PTK2: variants seen among roughly 807,000 people sequenced by gnomAD.
The protein encoded by PTK2 is protein tyrosine kinase 2, also known as focal adhesion kinase 1.
PTK2 carries 45 observed loss-of-function variants against 150.1 expected under a neutral mutation model. The ratio of observed to expected loss-of-function variants is 0.30; its 90% CI spans 0.24 to 0.38. The LOEUF (loss-of-function observed/expected upper bound fraction) is 0.38. PTK2 is among the 10% of genes least tolerant of loss of function. The probability of loss-of-function intolerance (pLI) is 1.00; values close to 1 mark genes in which losing one functional copy is unlikely to be tolerated. For missense variants in PTK2, 919 were observed against 1,307.3 expected (o/e 0.70, Z 4.58); for synonymous variants, 432 against 449.2 (o/e 0.96, Z 0.48).
intron 27 of PTK2, among the ~76,000 whole-genome samples, chr8:140,681,616 A>G (rs1488805580): frequency 1.3e-5 from 2 of 151,826 alleles, no homozygotes; most frequent in Admixed American, 1.3e-4. Flanking sequence ...TCTCTACTAA[A>G]AATACAAAAA....
intron 5 of PTK2, among the ~76,000 whole-genome samples, chr8:140,861,087 TC>T (rs2100135798): frequency 6.6e-6 from 1 of 152,196 alleles, no homozygotes; most frequent in African/African-American, 2.4e-5. Flanking sequence ...ATGCCTATAC[TC>T]CCAGCACTTT....
chr8:140,669,876 C>A, intron 29 of PTK2, 141 bp from the exon 33 acceptor site: 2 of 947,090 alleles, frequency 2.1e-6, no homozygotes, highest in Non-Finnish European at 1.6e-6. Context: ...GTTTCCAAGC[C>A]TGCCCACCAG....
rs543223610 is a variant in PTK2 at position 140,871,973 on chromosome 8, C to A, written c.362+7498G>T. 8.5e-5 allele frequency among the ~76,000 whole-genome samples: 13 copies of A among 152,178 alleles called. 1 individual carries two copies. The highest frequency in any genetic ancestry group is 3.1e-4 in the African/African-American group (13 of 41,536). ...CCTATAATCCCAGCACTTTGGGAGGCCAAGGTGGGCAGATCATGAGGTCAG... is the reference window on the plus strand; with the variant it reads ...CCTATAATCCCAGCACTTTGGGAGGACAAGGTGGGCAGATCATGAGGTCAG... On this transcript the variant is annotated intron_variant, in intron 4 of 31. Coordinates refer to ENST00000522684, the Ensembl canonical transcript of PTK2.
intron 5 of PTK2, among the ~76,000 whole-genome samples, chr8:140,851,513 T>C (rs566876467): frequency 1.3e-5 from 2 of 152,226 alleles, no homozygotes; most frequent in African/African-American, 2.4e-5. Context: ...GTTTCCATTA[T>C]CTCTTTTTGT....
chr8:140,864,341 T>G, exon 5 of PTK2: 1 of 1,598,602 alleles, frequency 6.3e-7, no homozygotes, highest in Non-Finnish European at 8.5e-7. Flanking sequence ...AAAGTTGGCT[T>G]ATCTTCAGTA....
At chr8:140,863,418 A>C (rs2100137406) in intron 5 of PTK2, among the ~76,000 whole-genome samples, 1 of 152,220 alleles carries the variant, frequency 6.6e-6, no homozygotes, top group African/African-American at 2.4e-5. Flanking sequence ...AACGTTTTTA[A>C]ATGGCTCCCA....
At chr8:140,820,582 CTTTTT>C (rs200536728) in intron 8 of PTK2, 3 of 143,128 alleles carry the variant, frequency 2.1e-5, no homozygotes, top group Non-Finnish European at 1.5e-5. Context: ...CTTTCTTCTT[CTTTTT>C]TTTTTTTTTT....
intron 16 of PTK2, among the ~76,000 whole-genome samples, chr8:140,756,861 C>T (rs929960812): frequency 2.7e-5 from 4 of 147,084 alleles, no homozygotes; most frequent in African/African-American, 7.6e-5. Context: ...TGGTGGTGGG[C>T]GCTTGTAGTC....
In PTK2 at chr8:140,789,461, T is replaced by G. The variant is rs763998651; in HGVS notation, c.1177+13A>C. The G allele has an allele frequency of 4.2e-5, 68 of 1,612,730 alleles. No individual in the cohort carries two copies. In the East Asian group the frequency reaches 1.2e-3, roughly 28 times the overall value. On this transcript the variant is annotated intron_variant, in intron 14 of 31. Coordinates refer to ENST00000522684, the Ensembl canonical transcript of PTK2. ...AGAGTGCTTTTCGAGGTCTGCTACC[T>G]AGAGCCCCTTACCTGACACAGAGAC...
At chr8:140,879,606 T>C in exon 4 of PTK2, 1 of 1,607,276 alleles carries the variant, frequency 6.2e-7, no homozygotes, top group South Asian at 1.1e-5. Flanking sequence ...ATGCTTTACT[T>C]TGTGACTGTC....
At chr8:140,738,547 C>A (rs941073946) in intron 21 of PTK2, among the ~76,000 whole-genome samples, 8 of 152,092 alleles carry the variant, frequency 5.3e-5, no homozygotes, top group Admixed American at 2.0e-4. Context: ...GACAAAGGAT[C>A]AAACTTCCAA....
At chr8:140,796,746 C>A (rs2100091845) in intron 12 of PTK2, among the ~76,000 whole-genome samples, 2 of 152,136 alleles carry the variant, frequency 1.3e-5, no homozygotes, top group Non-Finnish European at 2.9e-5. Context: ...CCTAAAATGT[C>A]TAATTCTGGG....
At chr8:140,959,087 AG>A (rs1376207462) in intron 1 of PTK2, among the ~76,000 whole-genome samples, 1 of 152,180 alleles carries the variant, frequency 6.6e-6, no homozygotes, top group Non-Finnish European at 1.5e-5. Flanking sequence ...ACTATACAAA[AG>A]CTAATCCTAA....
intron 15 of PTK2, among the ~76,000 whole-genome samples, 192 bp from the exon 19 acceptor site, chr8:140,761,454 TAGA>T (rs976336675): frequency 7.9e-5 from 12 of 152,192 alleles, no homozygotes; most frequent in Non-Finnish European, 1.6e-4. Context: ...GTTATGGTAT[TAGA>T]AGAACTACTG....
At chr8:140,866,869 T>C (rs554651330) in intron 4 of PTK2, among the ~76,000 whole-genome samples, 2 of 152,264 alleles carry the variant, frequency 1.3e-5, no homozygotes, top group South Asian at 4.1e-4. Flanking sequence ...TAACAAATGA[T>C]TAAGTATTAT....
At chr8:140,672,567 A>C (rs2100011194) in intron 29 of PTK2, among the ~76,000 whole-genome samples, 1 of 152,130 alleles carries the variant, frequency 6.6e-6, no homozygotes, top group Non-Finnish European at 1.5e-5. Context: ...TGGTACTTTC[A>C]CTATGGCCAC....
At chr8:140,784,520 T>C (rs1170139435) in intron 14 of PTK2, among the ~76,000 whole-genome samples, 3 of 152,144 alleles carry the variant, frequency 2.0e-5, no homozygotes, top group South Asian at 2.1e-4. Context: ...GCTTTACTCA[T>C]TGATTTGGAA....
chr8:140,676,814 C>T (rs1461905519), intron 27 of PTK2, among the ~76,000 whole-genome samples: 4 of 134,290 alleles, frequency 3.0e-5, no homozygotes, highest in African/African-American at 8.6e-5. Flanking sequence ...GGTGTGTGCC[C>T]GTAATCCCAG....
At chr8:140,860,655 T>C (rs554463787) in intron 5 of PTK2, among the ~76,000 whole-genome samples, 5 of 152,294 alleles carry the variant, frequency 3.3e-5, no homozygotes, top group African/African-American at 1.2e-4. Context: ...TTATTTTTAG[T>C]AGAGACGGAG....
Sources: gnomAD v4.1 joint callset for allele counts (sites outside exome capture counted in the v4.1 genomes callset) on GRCh38, gnomAD v4.1.1 for gene constraint, MANE v1.5 for transcripts, NCBI Gene and HGNC (gene_info 2026-07-23, HGNC 2026-07-21) for gene names.